The following CACNG1 variants were observed in gnomAD, a reference collection of about 807,000 sequenced individuals.
CACNG1 encodes the protein calcium voltage-gated channel auxiliary subunit gamma 1, also known as voltage-dependent calcium channel gamma-1 subunit.
Under a neutral mutation model 22.0 loss-of-function variants are expected in CACNG1, and 21 were observed. The observed-to-expected ratio is 0.95, with a 90% CI of 0.68 to 1.37. The LOEUF (loss-of-function observed/expected upper bound fraction) is 1.37. CACNG1 is among the 40% of genes most tolerant of loss of function. The pLI, the probability that CACNG1 is intolerant of heterozygous loss-of-function variation, is 0.00. For synonymous variants in CACNG1, 127 were observed against 129.2 expected, an observed-to-expected ratio of 0.98 and a Z score of 0.12; for missense variants, 291 against 308.6, an observed-to-expected ratio of 0.94 and a Z score of 0.43.
chr17:67,054,978 GAC>G lies in CACNG1; in HGVS notation c.305-115_305-114del, dbSNP rs886785493. 1.5e-5 allele frequency: 14 copies of G among 932,332 alleles called. No individual in the cohort carries two copies. The highest frequency in any genetic ancestry group is 2.3e-4 in the Middle Eastern group (1 of 4,312). The allele number at this position is 932,332 out of a possible 1,614,324, so 57.8% of individuals were successfully genotyped here. Reference sequence around the variant, plus strand: ...AAGACAGACACAGAGACACACACTTGACACACACACAATGACACACACAGACA... The same window carrying G: ...AAGACAGACACAGAGACACACACTTGACACACACAATGACACACACAGACA... On this transcript the variant is annotated intron_variant, in intron 2 of 3. Transcript: ENST00000226021. The surrounding 1 kb of genome is among the most constrained non-coding windows in gnomAD (Gnocchi z 4.6).
At chr17:67,045,314 G>C (rs2035689997) in intron 1 of CACNG1, among the ~76,000 whole-genome samples, 1 of 152,182 alleles carries the variant, frequency 6.6e-6, no homozygotes, top group African/African-American at 2.4e-5. Context: ...AGAGGAGAGA[G>C]CATAGGCGAT....
chr17:67,047,914 A>T (rs999701044), intron 1 of CACNG1, among the ~76,000 whole-genome samples: 1 of 152,184 alleles, frequency 6.6e-6, no homozygotes, highest in African/African-American at 2.4e-5. Context: ...GTGAAGGCTA[A>T]GGCAGAGATG....
At chr17:67,050,147 C>A (rs952855481) in intron 1 of CACNG1, among the ~76,000 whole-genome samples, 1 of 152,234 alleles carries the variant, frequency 6.6e-6, no homozygotes, top group Non-Finnish European at 1.5e-5. Flanking sequence ...GCCCCAGGGC[C>A]CACTTTGCCT....
Position 67,055,633 on chromosome 17 carries a change from TC to T in CACNG1, c.442+395del, listed in dbSNP as rs2143422005. Among the ~76,000 whole-genome samples the T allele has an allele frequency of 6.6e-6, 1 of 152,240 alleles. No individual in the cohort carries two copies. The highest frequency in any genetic ancestry group is 6.5e-5 in the Admixed American group (1 of 15,292). On this transcript the variant is annotated intron_variant, in intron 3 of 3. Transcript: ENST00000226021. The surrounding 1 kb of genome is among the most constrained non-coding windows in gnomAD (Gnocchi z 4.5). ...GCCTCGAACTCCTGGGTTCAAGGGT[TC>T]CTCCCGCCCCAGCCTCCTAGTAGCT...
rs375091485 is a variant in CACNG1 at position 67,056,317 on chromosome 17, G to A, written c.*46G>A. The A allele has an allele frequency of 5.9e-5, 93 of 1,568,766 alleles. No individual in the cohort carries two copies. In the East Asian group the frequency reaches 7.6e-4, roughly 13 times the overall value. On this transcript the variant is annotated 3_prime_UTR_variant, in exon 4 of 4. Coordinates refer to ENST00000226021, the MANE Select transcript of CACNG1 (RefSeq NM_000727.4). The surrounding 1 kb of genome is among the most constrained non-coding windows in gnomAD (Gnocchi z 4.3). Reference sequence around the variant, plus strand: ...CCCTCAGGCTTCTTCCCCAGGAAGCGGGGTCTTGGCCTGGAACCTTCCAGA... The same window carrying A: ...CCCTCAGGCTTCTTCCCCAGGAAGCAGGGTCTTGGCCTGGAACCTTCCAGA...
intron 1 of CACNG1, among the ~76,000 whole-genome samples, chr17:67,048,308 C>CA (rs377751953): frequency 0.055 from 6,066 of 110,132 alleles, 230 homozygotes; most frequent in East Asian, 0.1. Flanking sequence ...CTGTCCCTAC[C>CA]AAAAAAAAAA....
chr17:67,048,308 CAAAAAAA>C (rs377751953), intron 1 of CACNG1, among the ~76,000 whole-genome samples: 3 of 110,422 alleles, frequency 2.7e-5, no homozygotes, highest in African/African-American at 6.9e-5. Flanking sequence ...CTGTCCCTAC[CAAAAAAA>C]AAAAAAAAAA....
chr17:67,051,373 G>T (rs2035727301), intron 1 of CACNG1, among the ~76,000 whole-genome samples: 1 of 152,082 alleles, frequency 6.6e-6, no homozygotes, highest in Non-Finnish European at 1.5e-5. Flanking sequence ...CCCTACAGGG[G>T]CCATTAGAGA....
At chr17:67,046,578 G>A (rs9904079) in intron 1 of CACNG1, among the ~76,000 whole-genome samples, 3,091 of 152,236 alleles carry the variant, frequency 0.02, 102 homozygotes, top group African/African-American at 0.069. Flanking sequence ...GCAGGGTATC[G>A]CATAGCCCGG....
chr17:67,047,646 G>T (rs933689372), intron 1 of CACNG1, among the ~76,000 whole-genome samples: 2 of 152,138 alleles, frequency 1.3e-5, no homozygotes, highest in Non-Finnish European at 2.9e-5. Context: ...TTCTCCCTGG[G>T]GATGTTTGTT....
Position 67,055,647 on chromosome 17 carries a change from C to T in CACNG1, c.443-398C>T, listed in dbSNP as rs1181253503. On this transcript the variant is annotated intron_variant, in intron 3 of 3. Coordinates refer to ENST00000226021, the MANE Select transcript of CACNG1 (RefSeq NM_000727.4). This position sits in a 1 kb window ranked among gnomAD's most constrained non-coding sequence, Gnocchi z 4.5. ...GGTTCAAGGGTTCCTCCCGCCCCAG[C>T]CTCCTAGTAGCTGGGACTACAGACG... 6.6e-6 allele frequency among the ~76,000 whole-genome samples: 1 copy of T among 152,164 alleles called. No homozygotes were observed. The highest frequency in any genetic ancestry group is 1.5e-5 in the Non-Finnish European group (1 of 68,030).
rs1215090457 is a variant in CACNG1, at chr17:67,044,611, A to T, written c.-50A>T. 1 of 1,264,884 alleles carries T rather than the reference A, an allele frequency of 7.9e-7. No homozygotes were observed. The highest frequency in any genetic ancestry group is 1.2e-5 in the South Asian group (1 of 81,834). 78.4% of individuals were successfully genotyped at this position (1,264,884 alleles called of 1,614,324 possible). A position where few individuals can be genotyped will look rare whatever the true frequency, so the allele number is the denominator to read the frequency against. ...AGCTCGGCTTGTCACCTGCCCTAGG[A>T]GACGCAGCCGCCGGACCCTGCCCAG... On this transcript the variant is annotated 5_prime_UTR_variant, in exon 1 of 4. Coordinates refer to ENST00000226021, the MANE Select transcript of CACNG1 (RefSeq NM_000727.4). The surrounding 1 kb of genome is among the most constrained non-coding windows in gnomAD (Gnocchi z 6.9).
chr17:67,056,478 C>T lies in CACNG1; in HGVS notation c.*207C>T. 1 of 592,320 alleles carries T rather than the reference C, an allele frequency of 1.7e-6. No individual in the cohort carries two copies. Among genetic ancestry groups the T allele is most frequent in the Non-Finnish European group, 3.0e-6 (1 of 332,284 alleles). 36.7% of individuals were successfully genotyped at this position (592,320 alleles called of 1,614,324 possible). ...GAATAGAGCAAGACGTGAGTCCTAA[C>T]CTGGCCACAGTTGGGGGAGGCAGAG... On this transcript the variant is annotated 3_prime_UTR_variant, in exon 4 of 4. Coordinates refer to ENST00000226021, the MANE Select transcript of CACNG1 (RefSeq NM_000727.4). The surrounding 1 kb of genome is among the most constrained non-coding windows in gnomAD (Gnocchi z 4.3).
intron 1 of CACNG1, among the ~76,000 whole-genome samples, chr17:67,050,812 C>T (rs1207939847): frequency 6.6e-6 from 1 of 152,192 alleles, no homozygotes; most frequent in African/African-American, 2.4e-5. Context: ...CCAGTCAAGT[C>T]TGAGAGCTGA....
chr17:67,055,241 G>C lies in CACNG1; in HGVS notation c.442+1G>C, dbSNP rs746482808. 1 of 1,611,686 alleles carries C rather than the reference G, an allele frequency of 6.2e-7. No individual in the cohort carries two copies. The highest frequency in any genetic ancestry group is 8.5e-7 in the Non-Finnish European group (1 of 1,178,214). On this transcript the variant is annotated splice_donor_variant, in intron 3 of 3. Transcript: ENST00000226021. LOFTEE classifies it high-confidence loss of function. The surrounding 1 kb of genome is among the most constrained non-coding windows in gnomAD (Gnocchi z 4.5). ...GCGTCCATGTTCTATGCCTTTGCAG[G>C]TAGACTGGGGGATCTGCCTGAGCGC...
At chr17:67,053,858 C>A in intron 1 of CACNG1, 138 bp from the exon 2 acceptor site, 1 of 696,392 alleles carries the variant, frequency 1.4e-6, no homozygotes, top group South Asian at 1.6e-5. Flanking sequence ...TGTTTCAGCC[C>A]AGATTAAGGA....
rs143055819 is a variant in CACNG1 at position 67,056,092 on chromosome 17, C to T, written c.490C>T (p.Arg164Cys). The part of the protein sequence containing the change: ...SVEVMRQSVK[R>C]MIDSEDTVWI... ...GGAGGTCATGCGGCAGTCGGTGAAG[C>T]GCATGATTGACAGTGAGGACACCGT... Residue 164 changes from arginine to cysteine, a missense_variant, in exon 4 of 4, where the codon CGC becomes TGC. Coordinates refer to ENST00000226021, the MANE Select transcript of CACNG1 (RefSeq NM_000727.4). This position sits in a 1 kb window ranked among gnomAD's most constrained non-coding sequence, Gnocchi z 4.3. The T allele has an allele frequency of 4.9e-5, 79 of 1,613,254 alleles. 1 individual carries two copies. The South Asian group carries it at 6.7e-4, about 14-fold the overall frequency.
rs2035744998 is a variant in CACNG1, at chr17:67,054,226, C to T, written c.304+156C>T. On this transcript the variant is annotated intron_variant, in intron 2 of 3. Transcript: ENST00000226021. The surrounding 1 kb of genome is among the most constrained non-coding windows in gnomAD (Gnocchi z 4.6). ...GAACAACAGCCTTGTCAGCTCCCCG[C>T]TCCGGAGGCCCCAGGCAGCCGCCTT... Among the ~76,000 whole-genome samples, 1 of 152,218 alleles carries T rather than the reference C, an allele frequency of 6.6e-6. No individual in the cohort carries two copies. Among genetic ancestry groups the T allele is most frequent in the Admixed American group, 6.5e-5 (1 of 15,286 alleles).
chr17:67,055,331 G>T lies in CACNG1; in HGVS notation c.442+91G>T. On this transcript the variant is annotated intron_variant, in intron 3 of 3. Transcript: ENST00000226021. The surrounding 1 kb of genome is among the most constrained non-coding windows in gnomAD (Gnocchi z 4.5). ...ACCCTCATGCCCACCGCGAGATTTGGGTGAGGGGCATTTCCCAGGCTCCAT... is the reference window on the plus strand; with the variant it reads ...ACCCTCATGCCCACCGCGAGATTTGTGTGAGGGGCATTTCCCAGGCTCCAT... The T allele has an allele frequency of 3.5e-6, 5 of 1,432,338 alleles. No homozygotes were observed. Among genetic ancestry groups the T allele is most frequent in the Non-Finnish European group, 4.7e-6 (5 of 1,056,300 alleles). The allele number at this position is 1,432,338 out of a possible 1,614,324, so 88.7% of individuals were successfully genotyped here.
Sources: gnomAD v4.1 joint callset for allele counts (sites outside exome capture counted in the v4.1 genomes callset) on GRCh38, gnomAD v4.1.1 for gene constraint, Gnocchi (gnomAD v3.1) non-coding constraint, MANE v1.5 for transcripts, NCBI Gene and HGNC (gene_info 2026-07-23, HGNC 2026-07-21) for gene names.